The following ZC3H12B variants were observed in gnomAD, a reference collection of about 807,000 sequenced individuals.
ZC3H12B encodes probable ribonuclease ZC3H12B.
In ZC3H12B, 7 loss-of-function variants were observed where a neutral mutation model predicts 43.9. The observed-to-expected ratio is 0.16, with a 90% CI of 0.09 to 0.30. ZC3H12B has a LOEUF of 0.30. Ranked by LOEUF, ZC3H12B falls within the 10% of genes least tolerant of loss-of-function variation. The probability of loss-of-function intolerance (pLI) is 1.00; values close to 1 mark genes in which losing one functional copy is unlikely to be tolerated. For missense variants in ZC3H12B, 475 were observed against 670.2 expected (o/e 0.71, Z 3.22); for synonymous variants, 222 against 241.7 (o/e 0.92, Z 0.76).
the ZC3H12B span, among the ~76,000 whole-genome samples, chrX:65,044,634 G>A: frequency 1.9e-4 from 21 of 111,217 alleles, no homozygotes; most frequent in African/African-American, 4.2e-4. Flanking sequence ...TAACCCAGGC[G>A]AGAGAAAATG....
chrX:65,278,354 A>C, the ZC3H12B span, among the ~76,000 whole-genome samples: 1 of 111,498 alleles, frequency 9.0e-6, no homozygotes, highest in African/African-American at 3.3e-5. Context: ...TGGTCTAAAA[A>C]GGGGAGTAAC....
chrX:65,035,837 A>C, the ZC3H12B span, among the ~76,000 whole-genome samples: 1 of 112,179 alleles, frequency 8.9e-6, no homozygotes, highest in African/African-American at 3.2e-5. Flanking sequence ...TTAAATAATA[A>C]AAATAATAAA....
chrX:65,176,582 A>G, the ZC3H12B span, among the ~76,000 whole-genome samples: 2 of 111,711 alleles, frequency 1.8e-5, no homozygotes, highest in African/African-American at 6.5e-5. Context: ...CATAATAAAA[A>G]CTGATGGAGG....
chrX:65,124,040 G>A, the ZC3H12B span, among the ~76,000 whole-genome samples: 3 of 111,118 alleles, frequency 2.7e-5, no homozygotes, highest in Non-Finnish European at 5.7e-5. Flanking sequence ...AATAGAAGTG[G>A]TTAAAGTGGG....
At chrX:65,216,651 C>T in the ZC3H12B span, among the ~76,000 whole-genome samples, 1 of 106,499 alleles carries the variant, frequency 9.4e-6, no homozygotes, top group Non-Finnish European at 1.9e-5. Context: ...GGAGTGTTCA[C>T]TTCACTCTTT....
At chrX:65,237,935 C>T in the ZC3H12B span, among the ~76,000 whole-genome samples, 1 of 111,714 alleles carries the variant, frequency 9.0e-6, no homozygotes, top group Non-Finnish European at 1.9e-5. Flanking sequence ...GGAGGATAAG[C>T]ATTTTGATGT....
the ZC3H12B span, among the ~76,000 whole-genome samples, chrX:65,070,403 T>C: frequency 9.0e-6 from 1 of 111,125 alleles, no homozygotes; most frequent in African/African-American, 3.3e-5. Context: ...GTGTTTTGTA[T>C]GTTTTTTGTT....
At chrX:65,457,090 C>T (rs1160696198) in intron 3 of ZC3H12B, among the ~76,000 whole-genome samples, 44 of 89,762 alleles carry the variant, frequency 4.9e-4, no homozygotes, top group African/African-American at 1.3e-3. Flanking sequence ...ACCTCTGCCC[C>T]GCCGCCCTGT....
At chrX:65,153,611 A>C in the ZC3H12B span, among the ~76,000 whole-genome samples, 1 of 112,019 alleles carries the variant, frequency 8.9e-6, no homozygotes, top group Non-Finnish European at 1.9e-5. Context: ...GAGAAATAGG[A>C]ACACTTTTAC....
intron 1 of ZC3H12B, among the ~76,000 whole-genome samples, chrX:65,490,762 T>A (rs745852842): frequency 1.8e-5 from 2 of 111,891 alleles, no homozygotes; most frequent in South Asian, 7.5e-4. Context: ...CTATTGAGTC[T>A]ATCATTGCTT....
chrX:65,266,623 C>T, the ZC3H12B span, among the ~76,000 whole-genome samples: 4 of 111,726 alleles, frequency 3.6e-5, no homozygotes, highest in South Asian at 1.5e-3. Flanking sequence ...CTACCATACC[C>T]CACACCTTAG....
the ZC3H12B span, among the ~76,000 whole-genome samples, chrX:65,044,975 A>G: frequency 2.7e-5 from 3 of 110,724 alleles, no homozygotes; most frequent in Non-Finnish European, 5.7e-5. Flanking sequence ...ACTTAAAAAA[A>G]AAAAAAAGTT....
the ZC3H12B span, among the ~76,000 whole-genome samples, chrX:65,134,023 G>T: frequency 9.0e-6 from 1 of 111,150 alleles, no homozygotes; most frequent in South Asian, 3.9e-4. Flanking sequence ...TTGGTGCCAA[G>T]CAGTGTTGCA....
chrX:65,415,236 T>A (rs2066946236), intron 3 of ZC3H12B, among the ~76,000 whole-genome samples: 1 of 112,423 alleles, frequency 8.9e-6, no homozygotes, highest in Non-Finnish European at 1.9e-5. Flanking sequence ...GGTTTTATCA[T>A]GCCGATGAAG....
chrX:65,101,302 T>C, the ZC3H12B span, among the ~76,000 whole-genome samples: 18 of 111,832 alleles, frequency 1.6e-4, no homozygotes, highest in East Asian at 4.2e-3. Flanking sequence ...GGGAAAAATC[T>C]AAACTCAACA....
At chrX:65,236,286 G>A in the ZC3H12B span, among the ~76,000 whole-genome samples, 1 of 111,749 alleles carries the variant, frequency 8.9e-6, no homozygotes, top group Non-Finnish European at 1.9e-5. Flanking sequence ...TCTGTTTCCT[G>A]TGGCTATCAG....
chrX:65,284,089 G>A, the ZC3H12B span, among the ~76,000 whole-genome samples: 1 of 110,465 alleles, frequency 9.1e-6, no homozygotes, highest in East Asian at 2.9e-4. Flanking sequence ...TATACAGAGA[G>A]TATGCTATTA....
intron 2 of ZC3H12B, among the ~76,000 whole-genome samples, chrX:65,378,960 C>G (rs1224420281): frequency 8.9e-6 from 1 of 112,413 alleles, no homozygotes; most frequent in Admixed American, 9.4e-5. Context: ...GGGTCCTATG[C>G]CCACGGAGTC....
rs149351278 is a variant in ZC3H12B, at chrX:65,443,291, C to T, written n.407+44587C>T. 2.9e-3 allele frequency among the ~76,000 whole-genome samples: 321 copies of T among 111,045 alleles called. 1 individual carries two copies. The highest frequency in any genetic ancestry group is 5.1e-3 in the Non-Finnish European group (269 of 53,009). On this transcript the variant is annotated intron_variant and non_coding_transcript_variant, in intron 3 of 5. Coordinates refer to the ZC3H12B transcript ENST00000617377. ...TGCTAGTTTTCCATTCCAACCATCG[C>T]TCCGGTGCCCCTTCAACCTGGATTC...
Sources: gnomAD v4.1 joint callset for allele counts (sites outside exome capture counted in the v4.1 genomes callset) on GRCh38, gnomAD v4.1.1 for gene constraint, MANE v1.5 for transcripts, NCBI Gene and HGNC (gene_info 2026-07-23, HGNC 2026-07-21) for gene names.